The following MACROD2 variants were observed in gnomAD, a reference collection of about 807,000 sequenced individuals.
The protein encoded by MACROD2 is mono-ADP ribosylhydrolase 2.
In MACROD2, 36 loss-of-function variants were observed where a neutral mutation model predicts 70.4. That is an observed-to-expected ratio of 0.51 (90% CI 0.39 to 0.68). MACROD2 has a LOEUF of 0.68. Among genes scored for constraint, MACROD2 ranks in the 30% least tolerant of loss-of-function variants. The pLI, the probability that MACROD2 is intolerant of heterozygous loss-of-function variation, is 0.00. For missense variants in MACROD2, 496 were observed against 538.4 expected, an observed-to-expected ratio of 0.92 and a Z score of 0.78; for synonymous variants, 172 against 178.8, an observed-to-expected ratio of 0.96 and a Z score of 0.30.
intron 3 of MACROD2, among the ~76,000 whole-genome samples, chr20:14,347,405 AAAT>A (rs1291622105): frequency 1.3e-5 from 2 of 152,200 alleles, no homozygotes; most frequent in African/African-American, 4.8e-5. Context: ...GATTTGGGCT[AAAT>A]AATAATATCG....
At chr20:14,517,662 T>C (rs1394305374) in intron 4 of MACROD2, among the ~76,000 whole-genome samples, 1 of 152,212 alleles carries the variant, frequency 6.6e-6, no homozygotes, top group Non-Finnish European at 1.5e-5. Context: ...GTTCTGCACA[T>C]GTATCCCAGA....
chr20:15,022,985 A>G (rs2122972103), intron 5 of MACROD2: 1 of 152,290 alleles, frequency 6.6e-6, no homozygotes, highest in East Asian at 1.9e-4. Flanking sequence ...ATATATGTAT[A>G]TATTCTCTGT....
At chr20:14,664,796 A>C (rs1015470486) in intron 4 of MACROD2, among the ~76,000 whole-genome samples, 3 of 151,806 alleles carry the variant, frequency 2.0e-5, no homozygotes, top group Admixed American at 1.3e-4. Context: ...AAAGAAAAAA[A>C]CTTTTCATGT....
intron 7 of MACROD2, among the ~76,000 whole-genome samples, chr20:15,489,940 T>C (rs2047206957): frequency 6.6e-6 from 1 of 152,146 alleles, no homozygotes; most frequent in African/African-American, 2.4e-5. Flanking sequence ...TTTTCAAGGT[T>C]TGATTTATTT....
chr20:14,223,130 G>C (rs73264830), intron 3 of MACROD2: 1 of 152,136 alleles, frequency 6.6e-6, no homozygotes, highest in East Asian at 1.9e-4. Context: ...GCTGTAGTGT[G>C]CTATCCCTTT....
intron 4 of MACROD2, among the ~76,000 whole-genome samples, chr20:14,631,567 G>A (rs1307449533): frequency 1.3e-5 from 2 of 152,142 alleles, no homozygotes. Context: ...TCAGGAGATT[G>A]AGACCATCCT....
intron 3 of MACROD2, among the ~76,000 whole-genome samples, chr20:14,204,530 G>T (rs888162166): frequency 2.6e-5 from 4 of 152,186 alleles, no homozygotes; most frequent in African/African-American, 9.7e-5. Context: ...ATGCCATCAT[G>T]TGGACTCCAG....
At chr20:15,719,423 A>G (rs992365309) in intron 8 of MACROD2, among the ~76,000 whole-genome samples, 3 of 152,176 alleles carry the variant, frequency 2.0e-5, no homozygotes, top group Non-Finnish European at 4.4e-5. Flanking sequence ...CTTTGAAGTC[A>G]TCTATTTGGT....
At chr20:15,397,700 A>G (rs1200032318) in intron 6 of MACROD2, among the ~76,000 whole-genome samples, 1 of 152,200 alleles carries the variant, frequency 6.6e-6, no homozygotes, top group Non-Finnish European at 1.5e-5. Flanking sequence ...TATTCTTGAG[A>G]TATAGGAATC....
intron 3 of MACROD2, among the ~76,000 whole-genome samples, chr20:14,144,666 AG>A (rs1280110226): frequency 2.0e-5 from 3 of 152,222 alleles, no homozygotes; most frequent in Non-Finnish European, 1.5e-5. Flanking sequence ...AGTATTCTTA[AG>A]CAGTCATTTT....
At chr20:14,665,085 T>C (rs997265990) in intron 4 of MACROD2, among the ~76,000 whole-genome samples, 4 of 152,152 alleles carry the variant, frequency 2.6e-5, no homozygotes, top group South Asian at 2.1e-4. Context: ...AGAACTTTGT[T>C]AGATGTCATC....
At chr20:14,178,829 C>T (rs767976464) in intron 3 of MACROD2, among the ~76,000 whole-genome samples, 7 of 149,878 alleles carry the variant, frequency 4.7e-5, no homozygotes, top group African/African-American at 1.7e-4. Flanking sequence ...TGTAGTCTCA[C>T]GGCCTTTTCA....
chr20:14,207,380 G>A (rs1350747166), intron 3 of MACROD2, among the ~76,000 whole-genome samples: 13 of 152,276 alleles, frequency 8.5e-5, no homozygotes, highest in Admixed American at 5.9e-4. Context: ...GATTACAGGC[G>A]TGAGCCACTG....
At chr20:14,959,921 G>C (rs927734115) in intron 5 of MACROD2, among the ~76,000 whole-genome samples, 4 of 152,164 alleles carry the variant, frequency 2.6e-5, no homozygotes, top group Non-Finnish European at 5.9e-5. Flanking sequence ...GCCTAGATCA[G>C]TCTAGACACT....
chr20:14,469,005 G>A (rs890990207), intron 3 of MACROD2, among the ~76,000 whole-genome samples: 1 of 152,078 alleles, frequency 6.6e-6, no homozygotes, highest in East Asian at 1.9e-4. Flanking sequence ...TTTAGTTGAT[G>A]CAGTTTCTTC....
At chr20:14,753,657 A>G (rs996966118) in intron 5 of MACROD2, among the ~76,000 whole-genome samples, 1 of 152,170 alleles carries the variant, frequency 6.6e-6, no homozygotes, top group African/African-American at 2.4e-5. Context: ...GCTTTACATT[A>G]TCATGATTTA....
chr20:15,754,701 T>G (rs1451059184), intron 8 of MACROD2, among the ~76,000 whole-genome samples: 1 of 148,484 alleles, frequency 6.7e-6, no homozygotes, highest in Non-Finnish European at 1.5e-5. Context: ...TTTTTTTTTT[T>G]AAGTGCCATC....
At chr20:14,937,726 A>G (rs1444822767) in intron 5 of MACROD2, among the ~76,000 whole-genome samples, 1 of 152,164 alleles carries the variant, frequency 6.6e-6, no homozygotes, top group African/African-American at 2.4e-5. Context: ...GAAATATACA[A>G]TAGATTATTG....
At chr20:14,411,287 C>G (rs1418859017) in intron 3 of MACROD2, among the ~76,000 whole-genome samples, 1 of 152,044 alleles carries the variant, frequency 6.6e-6, no homozygotes, top group African/African-American at 2.4e-5. Flanking sequence ...TCTAAGAAAT[C>G]TATCACACTT....
Sources: allele counts gnomAD v4.1 joint callset (sites outside exome capture counted in the v4.1 genomes callset), GRCh38; gene constraint gnomAD v4.1.1; transcripts MANE v1.5; gene names NCBI Gene and HGNC (gene_info 2026-07-23, HGNC 2026-07-21).